Variants in CSMD1 observed in about 807,000 individuals in gnomAD.
CSMD1 encodes CUB and sushi domain-containing protein 1.
Under a neutral mutation model 417.5 loss-of-function variants are expected in CSMD1, and 213 were observed. The observed-to-expected ratio is 0.51, with a 90% CI of 0.46 to 0.57. The LOEUF is 0.57. Among genes scored for constraint, CSMD1 ranks in the 20% least tolerant of loss-of-function variants. The pLI is 0.00. For synonymous variants in CSMD1, 2,862 were observed against 1,736.8 expected, an observed-to-expected ratio of 1.65 and a Z score of -16.11; for missense variants, 6,923 against 4,529.7, an observed-to-expected ratio of 1.53 and a Z score of -15.17.
intron 41 of CSMD1, among the ~76,000 whole-genome samples, chr8:3,121,166 G>C (rs1817182472): frequency 6.6e-6 from 1 of 152,078 alleles, no homozygotes; most frequent in South Asian, 2.1e-4. Flanking sequence ...AGATTGTATA[G>C]ATTTCTGTGT....
chr8:4,147,821 A>G (rs950191873), intron 3 of CSMD1, among the ~76,000 whole-genome samples: 1 of 152,076 alleles, frequency 6.6e-6, no homozygotes, highest in African/African-American at 2.4e-5. Context: ...GGGCAGGAAG[A>G]CACATCATCA....
intron 10 of CSMD1, among the ~76,000 whole-genome samples, chr8:3,512,575 T>TCCAGGAGCTTA (rs1383053548): frequency 6.7e-6 from 1 of 150,096 alleles, no homozygotes; most frequent in African/African-American, 2.5e-5. Context: ...AACCCTCTCC[T>TCCAGGAGCTTA]CCAGGAGCTT....
intron 1 of CSMD1, among the ~76,000 whole-genome samples, chr8:4,897,063 T>C (rs1804542942): frequency 6.6e-6 from 1 of 152,140 alleles, no homozygotes; most frequent in Non-Finnish European, 1.5e-5. Flanking sequence ...AGTAAAATCA[T>C]GACCGGCCTT....
chr8:4,462,779 A>G (rs12676259), intron 2 of CSMD1, among the ~76,000 whole-genome samples: 38,895 of 150,620 alleles, frequency 0.26, 5,166 homozygotes, highest in Non-Finnish European at 0.26. Context: ...CTGAGTATCC[A>G]CAAGAGGGTA....
intron 3 of CSMD1, among the ~76,000 whole-genome samples, chr8:4,359,836 G>A (rs111779481): frequency 3.3e-5 from 5 of 152,282 alleles, no homozygotes; most frequent in African/African-American, 1.2e-4. Context: ...TCCTACTGTC[G>A]GAAGCAAGAC....
intron 1 of CSMD1, among the ~76,000 whole-genome samples, chr8:4,904,085 A>AC (rs1805077220): frequency 6.6e-6 from 1 of 152,174 alleles, no homozygotes; most frequent in Non-Finnish European, 1.5e-5. Flanking sequence ...ATGGAAAAGA[A>AC]CCAGGATAGG....
At chr8:3,602,669 G>C (rs1201297558) in intron 8 of CSMD1, among the ~76,000 whole-genome samples, 1 of 151,092 alleles carries the variant, frequency 6.6e-6, no homozygotes, top group East Asian at 1.9e-4. Context: ...ATGTATGGAA[G>C]AAATAATCAC....
At chr8:4,016,487 C>T (rs1322546404) in intron 4 of CSMD1, among the ~76,000 whole-genome samples, 2 of 152,044 alleles carry the variant, frequency 1.3e-5, no homozygotes, top group Admixed American at 1.3e-4. Context: ...ATGCAAGCTT[C>T]CTGGAGGACA....
At chr8:3,792,725 T>A (rs1211584258) in intron 5 of CSMD1, among the ~76,000 whole-genome samples, 1 of 151,566 alleles carries the variant, frequency 6.6e-6, no homozygotes, top group Non-Finnish European at 1.5e-5. Flanking sequence ...GGTGAAAGAG[T>A]TTCAACCAGA....
At chr8:4,651,903 T>G (rs1295454106) in intron 1 of CSMD1, among the ~76,000 whole-genome samples, 3 of 152,196 alleles carry the variant, frequency 2.0e-5, no homozygotes, top group Non-Finnish European at 4.4e-5. Flanking sequence ...CATTAGATTA[T>G]CTTTCATGTG....
chr8:3,586,776 G>C (rs1800619985), intron 8 of CSMD1, among the ~76,000 whole-genome samples: 1 of 152,126 alleles, frequency 6.6e-6, no homozygotes, highest in Non-Finnish European at 1.5e-5. Context: ...TATAGGAACA[G>C]AATATTTTAC....
chr8:3,693,258 G>C (rs1050116649), intron 7 of CSMD1, among the ~76,000 whole-genome samples: 4 of 152,172 alleles, frequency 2.6e-5, no homozygotes, highest in African/African-American at 9.7e-5. Context: ...ATATAACCAA[G>C]TAGGATGCAA....
intron 5 of CSMD1, among the ~76,000 whole-genome samples, chr8:3,852,470 A>G (rs904449467): frequency 1.9e-4 from 29 of 152,200 alleles, no homozygotes; most frequent in Non-Finnish European, 4.4e-5. Context: ...GGCTGCATTC[A>G]GAGAATAAGC....
chr8:4,751,384 C>G (rs1811314632), intron 1 of CSMD1, among the ~76,000 whole-genome samples: 1 of 146,696 alleles, frequency 6.8e-6, no homozygotes, highest in Non-Finnish European at 1.5e-5. Flanking sequence ...GAGCAAGACT[C>G]TGTCTCAGGG....
At chr8:3,771,018 C>CTCTG (rs1563062260) in intron 5 of CSMD1, among the ~76,000 whole-genome samples, 1 of 151,066 alleles carries the variant, frequency 6.6e-6, no homozygotes, top group East Asian at 1.9e-4. Flanking sequence ...GTCAGTGTGT[C>CTCTG]TGTGTGTGTG....
At position 4,354,865 on chromosome 8, in the gene CSMD1, A is replaced by AGTGTGTGTGTGTGTGT. The variant is rs59255397; in HGVS notation, c.415+65072_415+65087dup. Among the ~76,000 whole-genome samples, 444 of 129,482 alleles carry AGTGTGTGTGTGTGTGT rather than the reference A, an allele frequency of 3.4e-3. 2 individuals are homozygous for AGTGTGTGTGTGTGTGT. The highest frequency in any genetic ancestry group is 4.6e-3 in the Admixed American group (55 of 12,050). 84.9% of individuals were successfully genotyped at this position (129,482 alleles called of 152,430 possible). ...GAGGGCAGGTAAATGAGGAAAATGT[A>AGTGTGTGTGTGTGTGT]GTGTGTGTGTGTGTGTGTGTGTGTG... On this transcript the variant is annotated intron_variant, in intron 3 of 69. Transcript: ENST00000635120.
chr8:3,585,000 G>A (rs1234067499), intron 9 of CSMD1, among the ~76,000 whole-genome samples: 1 of 152,182 alleles, frequency 6.6e-6, no homozygotes, highest in African/African-American at 2.4e-5. Flanking sequence ...CTGGACCAGA[G>A]ATTGCTGACT....
intron 26 of CSMD1, among the ~76,000 whole-genome samples, chr8:3,253,195 T>G (rs548149525): frequency 5.5e-4 from 84 of 152,298 alleles, no homozygotes; most frequent in South Asian, 4.4e-3. Context: ...TACACACTGC[T>G]TTGTATGTGT....
At chr8:3,293,790 A>G (rs973080088) in intron 25 of CSMD1, among the ~76,000 whole-genome samples, 1 of 152,146 alleles carries the variant, frequency 6.6e-6, no homozygotes, top group Non-Finnish European at 1.5e-5. Context: ...CCTGTAGCTC[A>G]GAGTAGTTTG....
Sources: gnomAD v4.1 joint callset for allele counts (sites outside exome capture counted in the v4.1 genomes callset) on GRCh38, gnomAD v4.1.1 for gene constraint, MANE v1.5 for transcripts, NCBI Gene and HGNC (gene_info 2026-07-23, HGNC 2026-07-21) for gene names.